The following PTPRD variants were observed in gnomAD, a reference collection of about 807,000 sequenced individuals.
PTPRD encodes protein tyrosine phosphatase receptor type D.
Under a neutral mutation model 214.5 loss-of-function variants are expected in PTPRD, and 34 were observed. The observed-to-expected ratio is 0.16, with a 90% CI of 0.12 to 0.21. The LOEUF (loss-of-function observed/expected upper bound fraction) is 0.21, where lower values mean the gene tolerates loss of function less well. PTPRD is among the 10% of genes least tolerant of loss of function. PTPRD has a pLI of 1.00. For missense variants in PTPRD, 2,545 were observed against 2,398.7 expected (o/e 1.06, Z -1.27); for synonymous variants, 1,128 against 845.7 (o/e 1.33, Z -5.79).
intron 5 of PTPRD, among the ~76,000 whole-genome samples, chr9:9,915,534 A>G (rs139275847): frequency 0.011 from 1,732 of 151,978 alleles, 30 homozygotes; most frequent in African/African-American, 0.039. Flanking sequence ...AGAGATAGAT[A>G]TCATTAAAAA....
Position 10,060,795 on chromosome 9 carries a change from T to TCTTC in PTPRD, c.-544-27006_-544-27005insGAAG, listed in dbSNP as rs1221270250. 2.5e-4 allele frequency among the ~76,000 whole-genome samples: 32 copies of TCTTC among 127,224 alleles called. 8 individuals carry two copies. Among genetic ancestry groups the TCTTC allele is most frequent in the African/African-American group, 1.4e-3 (29 of 20,224 alleles). 83.5% of individuals were successfully genotyped at this position (127,224 alleles called of 152,430 possible). On this transcript the variant is annotated intron_variant, in intron 3 of 45. Coordinates refer to ENST00000381196, the MANE Select transcript of PTPRD (RefSeq NM_002839.4). ...TCTTGCTTTTCTTTCTTTCTTTCTT[T>TCTTC]CTTTCTTCCTTTCTTTCTTTCTTTC...
chr9:8,962,622 T>C (rs1395508561), intron 11 of PTPRD, among the ~76,000 whole-genome samples: 1 of 152,072 alleles, frequency 6.6e-6, no homozygotes, highest in Non-Finnish European at 1.5e-5. Context: ...AATTGATTTA[T>C]CACTTAATTA....
At chr9:8,430,348 C>G (rs1204873826) in intron 35 of PTPRD, among the ~76,000 whole-genome samples, 1 of 151,912 alleles carries the variant, frequency 6.6e-6, no homozygotes, top group Non-Finnish European at 1.5e-5. Context: ...CAGCTCACTG[C>G]AGACTCAACC....
At chr9:8,638,629 C>G (rs1382650849) in intron 12 of PTPRD, among the ~76,000 whole-genome samples, 1 of 151,966 alleles carries the variant, frequency 6.6e-6, no homozygotes, top group East Asian at 1.9e-4. Context: ...AATGCTGGTC[C>G]TGGAGAATGA....
At position 10,150,525 on chromosome 9, in the gene PTPRD, G is replaced by C. The variant is rs139196175; in HGVS notation, c.-544-116735C>G. Among the ~76,000 whole-genome samples, 365 of 152,082 alleles carry C rather than the reference G, an allele frequency of 2.4e-3. 1 individual carries two copies. Among genetic ancestry groups the C allele is most frequent in the Middle Eastern group, 0.017 (5 of 294 alleles). On this transcript the variant is annotated intron_variant, in intron 3 of 45. Transcript: ENST00000381196. ...GGGGCCTTTCGTGGGGCAGGAGGAGGGGGGAGGGATAGCATTAGGAGATAT... is the reference window on the plus strand; with the variant it reads ...GGGGCCTTTCGTGGGGCAGGAGGAGCGGGGAGGGATAGCATTAGGAGATAT...
rs1452534507 is a variant in PTPRD, at chr9:8,518,326, T to G, written c.1065A>C (p.Ile355=). 1.2e-6 allele frequency: 2 copies of G among 1,614,018 alleles called. No individual in the cohort carries two copies. The highest frequency in any genetic ancestry group is 2.7e-5 in the African/African-American group (2 of 74,906). ...CAGAGTTTTTAGGTTTATGCTGAAT[T>G]ATGTAATAAGAAACAGGCTCAGGGT... ...SGNPEPVSYY[I]IQHKPKNSEE... is the part of the protein sequence containing the mutation. The change falls in exon 21 of 46, where the codon ATA becomes ATC. Residue 355 remains isoleucine (I), a synonymous_variant. Coordinates refer to ENST00000381196, the MANE Select transcript of PTPRD (RefSeq NM_002839.4).
chr9:10,129,948 T>G (rs1033787532), intron 3 of PTPRD, among the ~76,000 whole-genome samples: 1 of 152,102 alleles, frequency 6.6e-6, no homozygotes, highest in African/African-American at 2.4e-5. Context: ...TTTTTAAATA[T>G]TCTTTCCCTT....
intron 5 of PTPRD, among the ~76,000 whole-genome samples, chr9:9,827,044 A>G (rs1032736830): frequency 7.2e-5 from 11 of 152,056 alleles, no homozygotes; most frequent in Admixed American, 1.3e-4. Flanking sequence ...CTCATGGATA[A>G]GAAGAATCAA....
chr9:8,825,042 A>T (rs963026213), intron 11 of PTPRD, among the ~76,000 whole-genome samples: 1 of 152,170 alleles, frequency 6.6e-6, no homozygotes, highest in Non-Finnish European at 1.5e-5. Flanking sequence ...TGTTTCATAG[A>T]AGGAATTTTA....
intron 4 of PTPRD, among the ~76,000 whole-genome samples, chr9:10,014,599 T>C (rs1401448641): frequency 6.6e-6 from 1 of 152,022 alleles, no homozygotes. Flanking sequence ...TATTTTACTT[T>C]ATTGAAAAGA....
chr9:9,626,743 A>G (rs993625415), intron 7 of PTPRD, among the ~76,000 whole-genome samples: 2 of 152,192 alleles, frequency 1.3e-5, no homozygotes, highest in African/African-American at 4.8e-5. Flanking sequence ...CATTGTAGAG[A>G]TAAGAATACA....
rs188588051 is a variant in PTPRD at position 8,659,048 on chromosome 9, T to A, written c.65-22204A>T. On this transcript the variant is annotated intron_variant, in intron 12 of 45. Coordinates refer to ENST00000381196, the MANE Select transcript of PTPRD (RefSeq NM_002839.4). ...GGAAGCCTTGAACTTATTCTCATCCTTCAACAATGTCAAAAGAAGTAACTG... is the reference window on the plus strand; with the variant it reads ...GGAAGCCTTGAACTTATTCTCATCCATCAACAATGTCAAAAGAAGTAACTG... Among the ~76,000 whole-genome samples, 250 of 150,332 alleles carry A rather than the reference T, an allele frequency of 1.7e-3. 3 individuals are homozygous for A. Among genetic ancestry groups the A allele is most frequent in the African/African-American group, 6.1e-3 (247 of 40,582 alleles).
chr9:8,838,397 A>C lies in PTPRD; in HGVS notation c.-103-104451T>G, dbSNP rs149779495. On this transcript the variant is annotated intron_variant, in intron 11 of 45. Transcript: ENST00000381196. ...TATATCACTAGATGATTTAAAGGGA[A>C]AAAATTCACAATACATTCCTCTTCT... 5.3e-3 allele frequency among the ~76,000 whole-genome samples: 807 copies of C among 152,286 alleles called. 8 individuals carry two copies. The highest frequency in any genetic ancestry group is 0.018 in the African/African-American group (764 of 41,554).
At chr9:8,400,735 G>T (rs1487210108) in intron 36 of PTPRD, among the ~76,000 whole-genome samples, 1 of 152,138 alleles carries the variant, frequency 6.6e-6, no homozygotes, top group Non-Finnish European at 1.5e-5. Context: ...CTGTGTGACT[G>T]TGTGACTCTG....
At chr9:8,432,417 C>G (rs7023863) in intron 35 of PTPRD, among the ~76,000 whole-genome samples, 18,290 of 152,172 alleles carry the variant, frequency 0.12, 2,234 homozygotes, top group African/African-American at 0.31. Flanking sequence ...TCTAATAATA[C>G]TGTGCTACAA....
chr9:9,991,814 C>T (rs933446566), intron 4 of PTPRD, among the ~76,000 whole-genome samples: 13 of 142,280 alleles, frequency 9.1e-5, no homozygotes, highest in Admixed American at 2.2e-4. Flanking sequence ...AACAAATGTG[C>T]GAGGGACTTC....
At chr9:10,390,466 TA>T in intron 2 of PTPRD, among the ~76,000 whole-genome samples, 1 of 151,790 alleles carries the variant, frequency 6.6e-6, no homozygotes, top group Non-Finnish European at 1.5e-5. Flanking sequence ...AGAAAACTGT[TA>T]AAAGGAGGCT....
intron 12 of PTPRD, among the ~76,000 whole-genome samples, chr9:8,723,905 T>C (rs1318451653): frequency 6.6e-6 from 1 of 152,226 alleles, no homozygotes; most frequent in African/African-American, 2.4e-5. Flanking sequence ...GTACTTAGTG[T>C]ATCTTAAAGC....
intron 9 of PTPRD, among the ~76,000 whole-genome samples, chr9:9,228,773 C>G (rs1344464001): frequency 1.3e-5 from 2 of 152,112 alleles, no homozygotes; most frequent in East Asian, 3.9e-4. Context: ...CACACATAAA[C>G]TATTAATTTC....
Sources: allele counts gnomAD v4.1 joint callset (sites outside exome capture counted in the v4.1 genomes callset), GRCh38; gene constraint gnomAD v4.1.1; transcripts MANE v1.5; gene names NCBI Gene and HGNC (gene_info 2026-07-23, HGNC 2026-07-21).